The following RBPJ variants were observed in gnomAD, a reference collection of about 807,000 sequenced individuals.
RBPJ encodes the protein recombination signal binding protein for immunoglobulin kappa J region.
A neutral mutation model predicts 67.8 loss-of-function variants in RBPJ; 9 were observed. The observed-to-expected ratio is 0.13, with a 90% CI of 0.08 to 0.23. RBPJ has a LOEUF of 0.23. RBPJ is among the 10% of genes least tolerant of loss of function. RBPJ has a pLI of 1.00. For missense variants in RBPJ, 305 were observed against 595.6 expected (o/e 0.51, Z 5.08); for synonymous variants, 198 against 203.3 (o/e 0.97, Z 0.22).
At chr4:26,241,816 CCTT>C (rs1719646328) in intron 1 of RBPJ, among the ~76,000 whole-genome samples, 1 of 152,180 alleles carries the variant, frequency 6.6e-6, no homozygotes, top group East Asian at 1.9e-4. Flanking sequence ...CTGGCCCTAA[CCTT>C]CTCTCTTAAT....
chr4:26,180,871 T>C (rs1414686969), intron 1 of RBPJ, among the ~76,000 whole-genome samples: 1 of 152,230 alleles, frequency 6.6e-6, no homozygotes, highest in Non-Finnish European at 1.5e-5. Context: ...CAGGGCAATG[T>C]AGACTAGGGA....
At chr4:26,353,558 C>T (rs930307744) in intron 1 of RBPJ, among the ~76,000 whole-genome samples, 17 of 150,956 alleles carry the variant, frequency 1.1e-4, no homozygotes, top group Non-Finnish European at 1.9e-4. Flanking sequence ...TTTTATACTT[C>T]AAATATACTA....
chr4:26,200,024 G>A (rs369839850), intron 1 of RBPJ, among the ~76,000 whole-genome samples: 189 of 152,278 alleles, frequency 1.2e-3, no homozygotes, highest in Middle Eastern at 3.4e-3. Flanking sequence ...CTCCAGCAAC[G>A]TTTCCACGTT....
At position 26,270,381 on chromosome 4, in the gene RBPJ, G is replaced by GAAAGAAAGAAAGAAAGAAAGAA. The variant is rs1560237728; in HGVS notation, c.-166-92063_-166-92042dup. Among the ~76,000 whole-genome samples, 54 of 49,464 alleles carry GAAAGAAAGAAAGAAAGAAAGAA rather than the reference G, an allele frequency of 1.1e-3. 3 individuals are homozygous for GAAAGAAAGAAAGAAAGAAAGAA. The highest frequency in any genetic ancestry group is 2.2e-3 in the Non-Finnish European group (48 of 22,072). The allele number at this position is 49,464 out of a possible 152,430, so 32.5% of individuals were successfully genotyped here. On this transcript the variant is annotated intron_variant, in intron 1 of 4. Transcript: ENST00000512351. ...AGAAAGAAAGAAAGAAAGAAAGAAA[G>GAAAGAAAGAAAGAAAGAAAGAA]AAAGAAAGAAAGAAAGAAAGAAAGA...
intron 1 of RBPJ, among the ~76,000 whole-genome samples, chr4:26,224,840 AAGCCTGGCTAT>A (rs559554459): frequency 4.6e-5 from 7 of 152,232 alleles, no homozygotes; most frequent in Non-Finnish European, 7.3e-5. Context: ...CTGGCTTTAG[AAGCCTGGCTAT>A]AGCTCCAAAT....
Position 26,432,733 on chromosome 4 carries a change from T to A in RBPJ, c.*1726T>A, listed in dbSNP as rs1354729100. ...TCTAGATTGTGGTAAGCTTTTACTG[T>A]CCCATAAAACAGGAGCCACAGTACC... is the stretch of plus-strand genomic sequence containing the variant. On this transcript the variant is annotated 3_prime_UTR_variant, in exon 11 of 11. Coordinates refer to ENST00000355476, the MANE Select transcript of RBPJ (RefSeq NM_015874.6). 6.6e-6 allele frequency: 1 copy of A among 152,190 alleles called. No homozygotes were observed. The highest frequency in any genetic ancestry group is 1.5e-5 in the Non-Finnish European group (1 of 68,036). 9.4% of individuals were successfully genotyped at this position (152,190 alleles called of 1,614,324 possible). A position where few individuals can be genotyped will look rare whatever the true frequency, so the allele number is the denominator to read the frequency against.
At chr4:26,340,784 G>A (rs1389296027) in intron 1 of RBPJ, among the ~76,000 whole-genome samples, 2 of 151,688 alleles carry the variant, frequency 1.3e-5, no homozygotes, top group Non-Finnish European at 2.9e-5. Flanking sequence ...GCTTGAACCC[G>A]GGAGGCGGAG....
chr4:26,320,929 C>G, upstream of RBPJ: 1 of 1,562,566 alleles, frequency 6.4e-7, no homozygotes, highest in East Asian at 2.4e-5. Context: ...TGGGTGGAAT[C>G]GAGGAGTGAG....
chr4:26,398,469 G>A (rs1424664249), intron 2 of RBPJ, among the ~76,000 whole-genome samples: 1 of 152,172 alleles, frequency 6.6e-6, no homozygotes, highest in Non-Finnish European at 1.5e-5. Context: ...TTGGCCCTCA[G>A]AACTCCGTTT....
chr4:26,298,753 G>A (rs994996420), intron 1 of RBPJ, among the ~76,000 whole-genome samples: 2 of 152,156 alleles, frequency 1.3e-5, no homozygotes, highest in Admixed American at 6.6e-5. Context: ...GCGGGTTGTT[G>A]GGGGGATGTG....
upstream of RBPJ, among the ~76,000 whole-genome samples, chr4:26,318,149 A>AC (rs1347794835): frequency 6.6e-6 from 1 of 151,562 alleles, no homozygotes; most frequent in Non-Finnish European, 1.5e-5. Flanking sequence ...ACACACACAC[A>AC]CCCCTAAAAC....
chr4:26,185,862 ATGG>A (rs1225421558), intron 1 of RBPJ, among the ~76,000 whole-genome samples: 1 of 152,192 alleles, frequency 6.6e-6, no homozygotes, highest in Non-Finnish European at 1.5e-5. Context: ...CCTGGCCAAC[ATGG>A]TGAAATCCTG....
chr4:26,306,519 C>T (rs182690472), intron 1 of RBPJ, among the ~76,000 whole-genome samples: 176 of 151,634 alleles, frequency 1.2e-3, no homozygotes, highest in Admixed American at 2.2e-3. Flanking sequence ...GCGCGATCTC[C>T]GCTCACTGCA....
chr4:26,330,672 T>TA (rs1333863299), intron 1 of RBPJ, among the ~76,000 whole-genome samples: 1 of 152,190 alleles, frequency 6.6e-6, no homozygotes, highest in East Asian at 1.9e-4. Flanking sequence ...TCAATGTGCT[T>TA]AAAGTGAGGC....
At chr4:26,337,703 G>A (rs968142924) in intron 1 of RBPJ, among the ~76,000 whole-genome samples, 3 of 48,286 alleles carry the variant, frequency 6.2e-5, no homozygotes, top group Non-Finnish European at 1.3e-4. Context: ...TTTTTTTTTT[G>A]AAGGACAGGG....
At chr4:26,302,388 T>C (rs1722103847) in intron 1 of RBPJ, among the ~76,000 whole-genome samples, 2 of 152,226 alleles carry the variant, frequency 1.3e-5, no homozygotes. Flanking sequence ...CTTCTACATT[T>C]GAAAACAAGG....
rs547789836 is a variant in RBPJ, at chr4:26,245,371, G to C, written c.-167+81757G>C. On this transcript the variant is annotated intron_variant, in intron 1 of 4. Coordinates refer to the RBPJ transcript ENST00000512351. The stretch of plus-strand genomic sequence containing the variant: ...CTACAGGCACGTGCCACCACATCCA[G>C]CTAAGTTTTGTATTTTTAGTGGAGA... Among the ~76,000 whole-genome samples the C allele has an allele frequency of 9.9e-5, 15 of 152,038 alleles. No individual in the cohort carries two copies. In the East Asian group the frequency reaches 2.9e-3, roughly 29 times the overall value.
At chr4:26,304,383 G>C (rs1722167690) in intron 1 of RBPJ, among the ~76,000 whole-genome samples, 1 of 152,174 alleles carries the variant, frequency 6.6e-6, no homozygotes, top group African/African-American at 2.4e-5. Flanking sequence ...TTGGGTCATA[G>C]AGTAACTCTA....
At chr4:26,204,258 AT>A (rs768057864) in intron 1 of RBPJ, among the ~76,000 whole-genome samples, 4 of 152,116 alleles carry the variant, frequency 2.6e-5, no homozygotes, top group Non-Finnish European at 5.9e-5. Context: ...GAAGTCAGTG[AT>A]TTTTTTTCTT....
Sources: allele counts gnomAD v4.1 joint callset (sites outside exome capture counted in the v4.1 genomes callset), GRCh38; gene constraint gnomAD v4.1.1; transcripts MANE v1.5; gene names NCBI Gene and HGNC (gene_info 2026-07-23, HGNC 2026-07-21).